Variants in SEMA3A observed in about 807,000 individuals in gnomAD.
The protein encoded by SEMA3A is semaphorin 3A.
Under a neutral mutation model 97.9 loss-of-function variants are expected in SEMA3A, and 29 were observed. That is an observed-to-expected ratio of 0.30 (90% CI 0.22 to 0.40). The LOEUF is 0.40. SEMA3A is among the 10% of genes least tolerant of loss of function. SEMA3A has a pLI of 1.00. For missense variants in SEMA3A, 763 were observed against 951.3 expected (o/e 0.80, Z 2.60); for synonymous variants, 321 against 323.7 (o/e 0.99, Z 0.09).
intron 1 of SEMA3A, among the ~76,000 whole-genome samples, chr7:84,409,797 AAC>A (rs1463783215): frequency 6.6e-6 from 1 of 152,122 alleles, no homozygotes; most frequent in Non-Finnish European, 1.5e-5. Context: ...GATTTCTGGA[AAC>A]AGTTATTGTT....
At chr7:84,363,166 C>T (rs1232736301) in intron 2 of SEMA3A, among the ~76,000 whole-genome samples, 3 of 151,874 alleles carry the variant, frequency 2.0e-5, no homozygotes, top group South Asian at 4.1e-4. Context: ...ATTCCTGACA[C>T]ACCTTATTTA....
intron 3 of SEMA3A, among the ~76,000 whole-genome samples, chr7:84,205,931 A>C (rs1302934727): frequency 6.6e-6 from 1 of 152,242 alleles, no homozygotes; most frequent in African/African-American, 2.4e-5. Context: ...TATATGAATA[A>C]GCATGTTGTA....
chr7:84,224,854 T>G (rs1317714991), intron 3 of SEMA3A, among the ~76,000 whole-genome samples: 1 of 152,026 alleles, frequency 6.6e-6, no homozygotes, highest in African/African-American at 2.4e-5. Context: ...ATTCATTGGT[T>G]TTTCCCTAGA....
intron 7 of SEMA3A, among the ~76,000 whole-genome samples, chr7:84,013,998 C>T (rs1458668705): frequency 6.6e-6 from 1 of 152,068 alleles, no homozygotes; most frequent in Non-Finnish European, 1.5e-5. Flanking sequence ...GAAATAATGC[C>T]AGTTACCTCA....
At chr7:84,138,415 G>T (rs957829612) in intron 1 of SEMA3A, among the ~76,000 whole-genome samples, 1 of 151,912 alleles carries the variant, frequency 6.6e-6, no homozygotes, top group Non-Finnish European at 1.5e-5. Context: ...AATAATAAAA[G>T]GAATGACTTT....
intron 1 of SEMA3A, among the ~76,000 whole-genome samples, chr7:84,174,301 A>AG (rs1797493346): frequency 6.6e-6 from 1 of 152,210 alleles, no homozygotes. Flanking sequence ...GTACAGGACA[A>AG]GAAAAAACTC....
chr7:84,421,832 T>A (rs559783140), intron 1 of SEMA3A, among the ~76,000 whole-genome samples: 33 of 152,226 alleles, frequency 2.2e-4, no homozygotes, highest in African/African-American at 5.3e-4. Context: ...CTGATTTGCA[T>A]ATGTTGAACC....
At position 83,961,645 on chromosome 7, in the gene SEMA3A, T is replaced by A. The variant is rs1788476016; in HGVS notation, c.2042A>T (p.Asp681Val). The A allele has an allele frequency of 1.5e-5, 25 of 1,613,956 alleles. No homozygotes were observed. Among genetic ancestry groups the A allele is most frequent in the Non-Finnish European group, 2.1e-5 (25 of 1,179,884 alleles). ...TTTGGTCTTAGAGCCATCTCCATCA[T>A]CATCTTTATGAAGAAGTTCTTCCAA... ...EHLEELLHKD[D>V]DGDGSKTKEM... is the part of the protein sequence containing the mutation. Residue 681 changes from aspartate (D) to valine (V), a missense_variant, in exon 17 of 17, where the codon GAT (aspartate) becomes GTT (valine). Transcript: ENST00000265362.
chr7:84,005,496 G>A lies in SEMA3A; in HGVS notation c.1203C>T (p.Thr401=), dbSNP rs748836745. The change falls in exon 11 of 17, where the codon ACC becomes ACT. Residue 401 remains threonine (T), a synonymous_variant. Coordinates refer to ENST00000265362, the MANE Select transcript of SEMA3A (RefSeq NM_006080.3). ...STKDLPDDVI[T]FARSHPAMYN... ...ACATGGCTGGATGACTTCTTGCAAA[G>A]GTTATAACATCATCAGGAAGGTCCT... The A allele has an allele frequency of 1.9e-6, 3 of 1,613,900 alleles. No homozygotes were observed. Among genetic ancestry groups the A allele is most frequent in the Non-Finnish European group, 2.5e-6 (3 of 1,179,950 alleles).
At chr7:84,236,485 C>T (rs921568211) in intron 3 of SEMA3A, among the ~76,000 whole-genome samples, 2 of 152,010 alleles carry the variant, frequency 1.3e-5, no homozygotes, top group African/African-American at 2.4e-5. Context: ...AGAAAATGAA[C>T]ATTACTAAAA....
At chr7:84,406,375 A>G (rs1283366629) in intron 1 of SEMA3A, among the ~76,000 whole-genome samples, 1 of 152,204 alleles carries the variant, frequency 6.6e-6, no homozygotes, top group Non-Finnish European at 1.5e-5. Context: ...TGAATAGACC[A>G]ATAACAGGCT....
intron 1 of SEMA3A, among the ~76,000 whole-genome samples, chr7:84,445,755 C>A (rs1033674761): frequency 6.6e-6 from 1 of 150,944 alleles, no homozygotes; most frequent in Non-Finnish European, 1.5e-5. Context: ...TAAATGCTTA[C>A]CATAAAAATC....
At chr7:84,420,668 T>C (rs1398267018) in intron 1 of SEMA3A, among the ~76,000 whole-genome samples, 1 of 152,076 alleles carries the variant, frequency 6.6e-6, no homozygotes, top group African/African-American at 2.4e-5. Flanking sequence ...AGATCCATTC[T>C]GAGAAACATT....
chr7:84,392,070 C>T (rs1025757980), intron 1 of SEMA3A, among the ~76,000 whole-genome samples: 2 of 151,952 alleles, frequency 1.3e-5, no homozygotes, highest in Non-Finnish European at 2.9e-5. Context: ...CTAACCTTTC[C>T]ATCACCCCAA....
intron 1 of SEMA3A, among the ~76,000 whole-genome samples, chr7:84,408,711 C>A (rs61178251): frequency 1.5e-5 from 2 of 130,528 alleles, no homozygotes; most frequent in African/African-American, 2.9e-5. Flanking sequence ...TACTATGCAG[C>A]CATAAAAAAA....
At chr7:83,994,902 C>A (rs1471514537) in intron 12 of SEMA3A, among the ~76,000 whole-genome samples, 2 of 152,102 alleles carry the variant, frequency 1.3e-5, no homozygotes, top group East Asian at 1.9e-4. Flanking sequence ...ATGGCGGGCA[C>A]CCCTCCCCCA....
intron 13 of SEMA3A, among the ~76,000 whole-genome samples, chr7:83,984,860 AT>A: frequency 6.6e-6 from 1 of 151,716 alleles, no homozygotes; most frequent in Admixed American, 6.6e-5. Context: ...GGCAGTGATC[AT>A]TTTTTTGCTT....
chr7:84,442,990 G>T (rs1805309410), intron 1 of SEMA3A, among the ~76,000 whole-genome samples: 1 of 152,024 alleles, frequency 6.6e-6, no homozygotes, highest in African/African-American at 2.4e-5. Flanking sequence ...TGAAAAAATT[G>T]AAGGGAAAAA....
intron 5 of SEMA3A, among the ~76,000 whole-genome samples, chr7:84,054,154 T>G (rs1185237826): frequency 6.6e-6 from 1 of 152,226 alleles, no homozygotes; most frequent in Admixed American, 6.5e-5. Flanking sequence ...TATTTTTTCC[T>G]TCATTTCAAC....
Sources: allele counts gnomAD v4.1 joint callset (sites outside exome capture counted in the v4.1 genomes callset), GRCh38; gene constraint gnomAD v4.1.1; transcripts MANE v1.5; gene names NCBI Gene and HGNC (gene_info 2026-07-23, HGNC 2026-07-21).